The following SPON1 variants were observed in gnomAD, a reference collection of about 807,000 sequenced individuals.
The protein encoded by SPON1 is spondin 1.
A neutral mutation model predicts 111.7 loss-of-function variants in SPON1; 52 were observed. The ratio of observed to expected loss-of-function variants is 0.47; its 90% CI spans 0.37 to 0.59. The LOEUF (loss-of-function observed/expected upper bound fraction) is 0.59. Among genes scored for constraint, SPON1 ranks in the 20% least tolerant of loss-of-function variants. SPON1 has a pLI of 0.00. For synonymous variants in SPON1, 410 were observed against 395.8 expected, an observed-to-expected ratio of 1.04 and a Z score of -0.43; for missense variants, 957 against 1,068.5, an observed-to-expected ratio of 0.90 and a Z score of 1.46.
chr11:14,236,330 AAG>A (rs1364836461), intron 6 of SPON1, among the ~76,000 whole-genome samples: 39 of 152,176 alleles, frequency 2.6e-4, no homozygotes, highest in African/African-American at 9.1e-4. Context: ...GTGGGAGAGA[AAG>A]AGGCATCCAG....
intron 6 of SPON1, among the ~76,000 whole-genome samples, chr11:14,216,424 A>C (rs112251913): frequency 7.0e-4 from 106 of 152,310 alleles, no homozygotes; most frequent in African/African-American, 2.4e-3. Flanking sequence ...TGAATCTCTC[A>C]CTGGATGGTA....
rs782157534 is a variant in SPON1, at chr11:14,256,649, C to T, written c.1266C>T (p.Val422=). 1.4e-5 allele frequency: 23 copies of T among 1,613,608 alleles called. No individual in the cohort carries two copies. Among genetic ancestry groups the T allele is most frequent in the Admixed American group, 1.7e-5 (1 of 59,994 alleles). The stretch of plus-strand genomic sequence containing the variant: ...AATGCAATATTGTACCTGACAATGT[C>T]GATGATATTGTAGCTGACCTGGCTC... ...GEQCNIVPDN[V]DDIVADLAPE... Residue 422 remains valine (V), a synonymous_variant, in exon 10 of 16, where the codon GTC becomes GTT. Coordinates refer to ENST00000576479, the MANE Select transcript of SPON1 (RefSeq NM_006108.4).
chr11:14,002,751 A>T (rs997370713), intron 2 of SPON1, among the ~76,000 whole-genome samples: 2 of 152,130 alleles, frequency 1.3e-5, no homozygotes, highest in Non-Finnish European at 2.9e-5. Flanking sequence ...AGTAGAAGAT[A>T]GGGGGCACAG....
chr11:14,049,157 TC>T (rs1848690441), intron 3 of SPON1, among the ~76,000 whole-genome samples: 1 of 152,174 alleles, frequency 6.6e-6, no homozygotes, highest in Admixed American at 6.5e-5. Context: ...GCATCTGGGC[TC>T]CCAAGTCTGT....
chr11:14,257,915 G>C lies in SPON1; in HGVS notation c.1492+17G>C. ...GTGACGAAGGTGAGGAGACAACCCA[G>C]ACCAGCCAGGGGCTGGCAGGAGTTC... On this transcript the variant is annotated intron_variant, in intron 11 of 15. Coordinates refer to ENST00000576479, the MANE Select transcript of SPON1 (RefSeq NM_006108.4). 6.6e-7 allele frequency: 1 copy of C among 1,517,000 alleles called. No homozygotes were observed. The highest frequency in any genetic ancestry group is 8.9e-7 in the Non-Finnish European group (1 of 1,129,456). The allele number at this position is 1,517,000 out of a possible 1,614,324, so 94.0% of individuals were successfully genotyped here. A position where few individuals can be genotyped will look rare whatever the true frequency, so the allele number is the denominator to read the frequency against.
chr11:14,132,004 C>T (rs927657994), intron 5 of SPON1, among the ~76,000 whole-genome samples: 13 of 152,176 alleles, frequency 8.5e-5, no homozygotes, highest in African/African-American at 3.1e-4. Flanking sequence ...TTAGGTCGGG[C>T]GCAGTGGCTC....
intron 2 of SPON1, among the ~76,000 whole-genome samples, chr11:14,037,481 A>C (rs1297890998): frequency 6.6e-6 from 1 of 151,938 alleles, no homozygotes; most frequent in Non-Finnish European, 1.5e-5. Flanking sequence ...TAGAGCAAAG[A>C]TAGTCTTTTC....
At chr11:14,042,074 C>CTTT (rs1164014217) in intron 3 of SPON1, among the ~76,000 whole-genome samples, 1 of 152,068 alleles carries the variant, frequency 6.6e-6, no homozygotes, top group Non-Finnish European at 1.5e-5. Context: ...CTGAGCTCCA[C>CTTT]TTTATGATGC....
intron 6 of SPON1, among the ~76,000 whole-genome samples, chr11:14,216,214 G>A (rs1449707948): frequency 6.6e-6 from 1 of 152,172 alleles, no homozygotes; most frequent in Non-Finnish European, 1.5e-5. Context: ...GGTAGTGTTG[G>A]AGGAGATTCA....
intron 5 of SPON1, among the ~76,000 whole-genome samples, chr11:14,118,837 T>C (rs1849284178): frequency 6.6e-6 from 1 of 152,292 alleles, no homozygotes; most frequent in South Asian, 2.1e-4. Flanking sequence ...ATCTCAGCCC[T>C]GCCACCTACT....
chr11:14,215,983 G>A (rs1554937118), intron 6 of SPON1, among the ~76,000 whole-genome samples: 1 of 152,136 alleles, frequency 6.6e-6, no homozygotes, highest in African/African-American at 2.4e-5. Flanking sequence ...TTGGCTAAAT[G>A]TTAGTCACAT....
At chr11:14,204,237 T>G (rs2133898380) in intron 6 of SPON1, among the ~76,000 whole-genome samples, 1 of 152,332 alleles carries the variant, frequency 6.6e-6, no homozygotes, top group South Asian at 2.1e-4. Flanking sequence ...GCACATCCCC[T>G]TGGCTCCAGT....
chr11:14,004,566 G>A (rs922114591), intron 2 of SPON1, among the ~76,000 whole-genome samples: 10 of 152,050 alleles, frequency 6.6e-5, no homozygotes, highest in African/African-American at 2.4e-4. Context: ...GTTTTAATTT[G>A]CATTTCCCTG....
intron 6 of SPON1, among the ~76,000 whole-genome samples, chr11:14,235,440 A>G (rs1848852568): frequency 1.3e-5 from 2 of 152,134 alleles, no homozygotes; most frequent in South Asian, 4.1e-4. Flanking sequence ...ACACTTTGGG[A>G]GGCTGAGGCA....
chr11:14,095,510 C>T (rs1849093684), intron 5 of SPON1, among the ~76,000 whole-genome samples: 1 of 152,056 alleles, frequency 6.6e-6, no homozygotes, highest in Non-Finnish European at 1.5e-5. Context: ...GTTCCACAAT[C>T]TGCCATCTGC....
chr11:13,979,852 T>C (rs1848130666), intron 1 of SPON1, among the ~76,000 whole-genome samples: 1 of 152,208 alleles, frequency 6.6e-6, no homozygotes, highest in African/African-American at 2.4e-5. Flanking sequence ...TCCTCCAGAA[T>C]TGTGTATAAT....
rs367675360 is a variant in SPON1 at position 14,030,502 on chromosome 11, G to T, written c.346-11019G>T. Among the ~76,000 whole-genome samples the T allele has an allele frequency of 6.6e-5, 10 of 152,288 alleles. No homozygotes were observed. In the East Asian group the frequency reaches 1.4e-3, roughly 21 times the overall value. On this transcript the variant is annotated intron_variant, in intron 2 of 15. Coordinates refer to ENST00000576479, the MANE Select transcript of SPON1 (RefSeq NM_006108.4). ...CCCCACAATCCCACGTGCTTCTCAAGTCTGGAAAGCACAGGGTACACTCCC... is the reference window on the plus strand; with the variant it reads ...CCCCACAATCCCACGTGCTTCTCAATTCTGGAAAGCACAGGGTACACTCCC...
At chr11:14,064,595 G>A (rs72858606) in intron 3 of SPON1, among the ~76,000 whole-genome samples, 2,377 of 152,296 alleles carry the variant, frequency 0.016, 28 homozygotes, top group Middle Eastern at 0.031. Flanking sequence ...ACCTGTAAGC[G>A]AGAGAGGAGC....
intron 5 of SPON1, among the ~76,000 whole-genome samples, chr11:14,131,824 C>T (rs1454428908): frequency 2.0e-5 from 3 of 152,184 alleles, no homozygotes; most frequent in Non-Finnish European, 4.4e-5. Context: ...ACCTGAATGA[C>T]TGCTGCTCAC....
Sources: gnomAD v4.1 joint callset for allele counts (sites outside exome capture counted in the v4.1 genomes callset) on GRCh38, gnomAD v4.1.1 for gene constraint, MANE v1.5 for transcripts, NCBI Gene and HGNC (gene_info 2026-07-23, HGNC 2026-07-21) for gene names.